Variants in SFTPA1 observed in about 807,000 individuals in gnomAD.
The protein encoded by SFTPA1 is pulmonary surfactant-associated protein A1.
SFTPA1 carries 13 observed loss-of-function variants against 19.1 expected under a neutral mutation model. That is an observed-to-expected ratio of 0.68 (90% CI 0.44 to 1.08). SFTPA1 has a LOEUF of 1.08. Among genes scored for constraint, SFTPA1 ranks in the 50% least tolerant of loss-of-function variants. The pLI, the probability that SFTPA1 is intolerant of heterozygous loss-of-function variation, is 0.00. For synonymous variants in SFTPA1, 101 were observed against 117.0 expected (o/e 0.86, Z 0.88); for missense variants, 259 against 316.4 (o/e 0.82, Z 1.38).
rs1859817236 is a variant in SFTPA1 at position 79,610,982 on chromosome 10, G to A, written c.-95G>A. ...CAAGCAGCTGGAGGCTCTGTGTGTG[G>A]GTGAGTTTAGCCCCATCCCCTAGGT... is the stretch of plus-strand genomic sequence containing the variant. On this transcript the variant is annotated splice_region_variant and 5_prime_UTR_variant, in exon 1 of 6. Coordinates refer to ENST00000398636, the MANE Select transcript of SFTPA1 (RefSeq NM_005411.5). The A allele has an allele frequency of 6.6e-6, 1 of 152,542 alleles. No homozygotes were observed. Among genetic ancestry groups the A allele is most frequent in the South Asian group, 2.1e-4 (1 of 4,840 alleles). 9.4% of individuals were successfully genotyped at this position (152,542 alleles called of 1,614,324 possible).
At chr10:79,613,672 C>G in intron 5 of SFTPA1, 65 bp from the exon 6 acceptor site, 1 of 1,556,086 alleles carries the variant, frequency 6.4e-7, no homozygotes, top group East Asian at 2.3e-5. Context: ...GCAGAGACCC[C>G]AGGTGAGGGA....
chr10:79,613,193 T>G lies in SFTPA1; in HGVS notation c.297T>G (p.Leu99=). ...GEPGERGPPG[L]PAHLDEELQA... Reference sequence around the variant, plus strand: ...TGTGTGGGGCACTCTCCACAGGGCTTCCAGCTCATCTAGATGAGGAGCTCC... The same window carrying G: ...TGTGTGGGGCACTCTCCACAGGGCTGCCAGCTCATCTAGATGAGGAGCTCC... The change falls in exon 5 of 6, where the codon CTT becomes CTG. Residue 99 remains leucine (L), a synonymous_variant. Coordinates refer to ENST00000398636, the MANE Select transcript of SFTPA1 (RefSeq NM_005411.5). 1.2e-6 allele frequency: 2 copies of G among 1,613,844 alleles called. No homozygotes were observed. The highest frequency in any genetic ancestry group is 8.5e-7 in the Non-Finnish European group (1 of 1,179,940).
Position 79,612,360 on chromosome 10 carries a change from G to T in SFTPA1, c.221G>T (p.Gly74Val), listed in dbSNP as rs1450639432. The stretch of plus-strand genomic sequence containing the variant: ...ATGCCATGTCCTCCTGGAAATGATG[G>T]GCTGCCTGGAGCCCCTGGTATCCCT... ...GEMPCPPGND[G>V]LPGAPGIPGE... Residue 74 changes from glycine (G) to valine (V), a missense_variant, in exon 4 of 6, where the codon GGG becomes GTG. By Grantham distance (109) the Gly-to-Val change is moderately radical. Coordinates refer to ENST00000398636, the MANE Select transcript of SFTPA1 (RefSeq NM_005411.5). The T allele has an allele frequency of 6.2e-6, 10 of 1,613,846 alleles. No individual in the cohort carries two copies. The highest frequency in any genetic ancestry group is 8.5e-6 in the Non-Finnish European group (10 of 1,179,860).
At chr10:79,612,487 C>A in intron 4 of SFTPA1, 56 bp downstream of exon 4, 1 of 1,606,796 alleles carries the variant, frequency 6.2e-7, no homozygotes, top group South Asian at 1.1e-5. Context: ...ACCCTGAAGT[C>A]AGTTACACGG....
Position 79,615,075 on chromosome 10 carries a change from T to C in SFTPA1, c.*962T>C. 1 of 1,305,332 alleles carries C rather than the reference T, an allele frequency of 7.7e-7. No homozygotes were observed. Among genetic ancestry groups the C allele is most frequent in the Non-Finnish European group, 1.0e-6 (1 of 988,940 alleles). 80.9% of individuals were successfully genotyped at this position (1,305,332 alleles called of 1,614,324 possible). ...CTTCATCTGTGAAATGGGAATAAGA[T>C]ACTTGTTGCTGTCACAGTTATTACC... On this transcript the variant is annotated 3_prime_UTR_variant, in exon 6 of 6. Coordinates refer to ENST00000398636, the MANE Select transcript of SFTPA1 (RefSeq NM_005411.5).
Position 79,614,427 on chromosome 10 carries a change from A to G in SFTPA1, c.*314A>G. On this transcript the variant is annotated 3_prime_UTR_variant, in exon 6 of 6. Transcript: ENST00000398636. The stretch of plus-strand genomic sequence containing the variant: ...TCTGGTCCAGTTCCTTCACTTACAG[A>G]TGGCAGCAGTGAGGTCTTGGGGTAG... The G allele has an allele frequency of 2.3e-6, 1 of 431,544 alleles. No homozygotes were observed. The highest frequency in any genetic ancestry group is 4.3e-6 in the Non-Finnish European group (1 of 232,738). 26.7% of individuals were successfully genotyped at this position (431,544 alleles called of 1,614,324 possible).
rs1481155410 is a variant in SFTPA1 at position 79,615,050 on chromosome 10, C to A, written c.*937C>A. 3.1e-6 allele frequency: 4 copies of A among 1,305,188 alleles called. No homozygotes were observed. The highest frequency in any genetic ancestry group is 2.3e-5 in the Admixed American group (1 of 43,534). 80.9% of individuals were successfully genotyped at this position (1,305,188 alleles called of 1,614,324 possible). On this transcript the variant is annotated 3_prime_UTR_variant, in exon 6 of 6. Coordinates refer to ENST00000398636, the MANE Select transcript of SFTPA1 (RefSeq NM_005411.5). ...GATTTTTTTTTCCCAGAGCTTATGT[C>A]TTCATCTGTGAAATGGGAATAAGAT...
In SFTPA1 at chr10:79,614,718, T is replaced by C. The variant is rs1860068715; in HGVS notation, c.*605T>C. 3.3e-6 allele frequency: 1 copy of C among 305,430 alleles called. No homozygotes were observed. The highest frequency in any genetic ancestry group is 2.2e-5 in the African/African-American group (1 of 45,822). The allele number at this position is 305,430 out of a possible 1,614,324, so 18.9% of individuals were successfully genotyped here. A position where few individuals can be genotyped will look rare whatever the true frequency, so the allele number is the denominator to read the frequency against. On this transcript the variant is annotated 3_prime_UTR_variant, in exon 6 of 6. Transcript: ENST00000398636. Reference sequence around the variant, plus strand: ...CAGGGTGGTGGCCAAGCCAACCCCATGATTGATGTGTACGATTCACTCCTT... The same window carrying C: ...CAGGGTGGTGGCCAAGCCAACCCCACGATTGATGTGTACGATTCACTCCTT...
intron 3 of SFTPA1, 124 bp from the exon 4 acceptor site, chr10:79,612,188 T>C: frequency 3.1e-6 from 5 of 1,604,452 alleles, no homozygotes; most frequent in Non-Finnish European, 4.3e-6. Flanking sequence ...TCTGTCCTCA[T>C]AGTGCCCACG....
Position 79,614,403 on chromosome 10 carries a change from C to G in SFTPA1, c.*290C>G. ...AGATGGAGCCCTCCTTATTCCCCAT[C>G]TGGTCCAGTTCCTTCACTTACAGAT... On this transcript the variant is annotated 3_prime_UTR_variant, in exon 6 of 6. Coordinates refer to ENST00000398636, the MANE Select transcript of SFTPA1 (RefSeq NM_005411.5). The G allele has an allele frequency of 1.9e-6, 1 of 515,550 alleles. No homozygotes were observed. Among genetic ancestry groups the G allele is most frequent in the South Asian group, 2.2e-5 (1 of 46,060 alleles). The allele number at this position is 515,550 out of a possible 1,614,324, so 31.9% of individuals were successfully genotyped here.
rs747834682 is a variant in SFTPA1 at position 79,612,323 on chromosome 10, C to A, written c.184C>A (p.Pro62Thr). ...GDPGPPGPMG[P>T]PGEMPCPPGN... is the part of the protein sequence containing the mutation. ...TCTTTTCTCTGCAGGCCCCATGGGT[C>A]CACCTGGAGAAATGCCATGTCCTCC... The change falls in exon 4 of 6, where the codon CCA becomes ACA. Residue 62 changes from proline (P) to threonine (T), a missense_variant. Transcript: ENST00000398636. 8.1e-6 allele frequency: 13 copies of A among 1,613,756 alleles called. No homozygotes were observed. Among genetic ancestry groups the A allele is most frequent in the Middle Eastern group, 3.3e-4 (2 of 6,076 alleles).
chr10:79,613,604 A>C, intron 5 of SFTPA1, 133 bp from the exon 6 acceptor site: 1 of 1,235,146 alleles, frequency 8.1e-7, no homozygotes. Context: ...CTGCAATTGG[A>C]AGAGGAAGAG....
rs570462927 is a variant in SFTPA1 at position 79,612,833 on chromosome 10, C to T, written c.293-356C>T. Among the ~76,000 whole-genome samples, 5 of 152,148 alleles carry T rather than the reference C, an allele frequency of 3.3e-5. No homozygotes were observed. In the East Asian group the frequency reaches 5.8e-4, roughly 18 times the overall value. ...CAGAGGGGAACTTTGAAGCTCAGAG[C>T]GGTAAGCAAGTCCATCAGGGCAGTG... On this transcript the variant is annotated intron_variant, in intron 4 of 5. Transcript: ENST00000398636.
chr10:79,614,574 CG>C lies in SFTPA1; in HGVS notation c.*465del, dbSNP rs1293849149. 4.7e-6 allele frequency: 1 copy of C among 213,540 alleles called. No homozygotes were observed. The highest frequency in any genetic ancestry group is 2.3e-5 in the African/African-American group (1 of 43,210). 13.2% of individuals were successfully genotyped at this position (213,540 alleles called of 1,614,324 possible). ...CATAATGACAGAGAGAGGCAGACTT[CG>C]GGGAAGCCCTGACTGTGCAGAGCTA... On this transcript the variant is annotated 3_prime_UTR_variant, in exon 6 of 6. Transcript: ENST00000398636.
At position 79,615,105 on chromosome 10, in the gene SFTPA1, C is replaced by G; in HGVS notation, c.*992C>G. On this transcript the variant is annotated 3_prime_UTR_variant, in exon 6 of 6. Transcript: ENST00000398636. The stretch of plus-strand genomic sequence containing the variant: ...GTTGCTGTCACAGTTATTACCATCC[C>G]CCCAGCTACCAAAATTACTACCAGA... The G allele has an allele frequency of 7.7e-7, 1 of 1,304,030 alleles. No homozygotes were observed. The highest frequency in any genetic ancestry group is 1.0e-6 in the Non-Finnish European group (1 of 988,246). The allele number at this position is 1,304,030 out of a possible 1,614,324, so 80.8% of individuals were successfully genotyped here.
At position 79,614,847 on chromosome 10, in the gene SFTPA1, C is replaced by T; in HGVS notation, c.*734C>T. 1.8e-6 allele frequency: 1 copy of T among 557,936 alleles called. No homozygotes were observed. Among genetic ancestry groups the T allele is most frequent in the South Asian group, 1.9e-5 (1 of 51,960 alleles). 34.6% of individuals were successfully genotyped at this position (557,936 alleles called of 1,614,324 possible). ...CAGATGTGACCCGAGTAACTTTCAACTGATGAACAAATCTGCACCCTACTT... is the reference window on the plus strand; with the variant it reads ...CAGATGTGACCCGAGTAACTTTCAATTGATGAACAAATCTGCACCCTACTT... On this transcript the variant is annotated 3_prime_UTR_variant, in exon 6 of 6. Transcript: ENST00000398636.
In SFTPA1 at chr10:79,611,786, G is replaced by A. The variant is rs766877503; in HGVS notation, c.-23-17G>A. The A allele has an allele frequency of 2.9e-5, 47 of 1,613,854 alleles. No homozygotes were observed. Among genetic ancestry groups the A allele is most frequent in the Admixed American group, 5.0e-5 (3 of 60,008 alleles). On this transcript the variant is annotated splice_polypyrimidine_tract_variant and intron_variant, in intron 2 of 5. Coordinates refer to ENST00000398636, the MANE Select transcript of SFTPA1 (RefSeq NM_005411.5). ...TGGCAGAGGTGGCAGATGGGCTCAC[G>A]GCCATCCCTCCTGCAGGAGCAGCGA...
At chr10:79,611,635 G>A (rs1447634228) in intron 2 of SFTPA1, 168 bp from the exon 3 acceptor site, 14 of 1,553,244 alleles carry the variant, frequency 9.0e-6, no homozygotes, top group East Asian at 7.3e-5. Context: ...GCCATGCCAG[G>A]TGCCAGGTGA....
Position 79,614,807 on chromosome 10 carries a change from AC to A in SFTPA1, c.*696del. The A allele has an allele frequency of 2.5e-6, 1 of 392,580 alleles. No homozygotes were observed. The highest frequency in any genetic ancestry group is 2.1e-5 in the South Asian group (1 of 46,610). The allele number at this position is 392,580 out of a possible 1,614,324, so 24.3% of individuals were successfully genotyped here. A position where few individuals can be genotyped will look rare whatever the true frequency, so the allele number is the denominator to read the frequency against. ...ACAGCCAGCCTAGGCCTCTAGGGTG[AC>A]CTAGAGCCGCCTTCAGATGTGACCC... is the stretch of plus-strand genomic sequence containing the variant. On this transcript the variant is annotated 3_prime_UTR_variant, in exon 6 of 6. Transcript: ENST00000398636.
Sources: gnomAD v4.1 joint callset for allele counts (sites outside exome capture counted in the v4.1 genomes callset) on GRCh38, gnomAD v4.1.1 for gene constraint, MANE v1.5 for transcripts, NCBI Gene and HGNC (gene_info 2026-07-23, HGNC 2026-07-21) for gene names.